The following RFFL variants were observed in gnomAD, a reference collection of about 807,000 sequenced individuals.
RFFL encodes ring finger and FYVE like domain containing E3 ubiquitin protein ligase.
Under a neutral mutation model 40.4 loss-of-function variants are expected in RFFL, and 16 were observed. The ratio of observed to expected loss-of-function variants is 0.40; its 90% CI spans 0.27 to 0.60. The LOEUF is 0.60. RFFL is among the 20% of genes least tolerant of loss of function. The probability of loss-of-function intolerance (pLI) is 0.47; values close to 1 mark genes in which losing one functional copy is unlikely to be tolerated. For synonymous variants in RFFL, 154 were observed against 167.9 expected (o/e 0.92, Z 0.64); for missense variants, 367 against 451.7 (o/e 0.81, Z 1.70).
rs545468347 is a variant in RFFL, at chr17:35,057,951, T to C, written c.-9+5625A>G. Among the ~76,000 whole-genome samples the C allele has an allele frequency of 4.1e-4, 62 of 152,042 alleles. 1 individual carries two copies. The South Asian group carries it at 0.012, about 30-fold the overall frequency. ...CGAAAGCAAAGCAGATGTATTTTTG[T>C]CTATTATACATCAAACAATCATATA... On this transcript the variant is annotated intron_variant, in intron 1 of 6. Coordinates refer to ENST00000394597, the MANE Select transcript of RFFL (RefSeq NM_001017368.2).
chr17:35,087,204 A>C (rs2091435186), intron 1 of RFFL, among the ~76,000 whole-genome samples: 1 of 152,130 alleles, frequency 6.6e-6, no homozygotes, highest in African/African-American at 2.4e-5. Flanking sequence ...TACAAAAACT[A>C]GCTGGGTGTG....
intron 1 of RFFL, chr17:35,077,093 A>AAT (rs957267250): frequency 6.5e-6 from 1 of 152,686 alleles, no homozygotes; most frequent in African/African-American, 2.4e-5. Flanking sequence ...ATATATATTA[A>AAT]ATATATATAA....
At chr17:35,058,065 T>C (rs2091270575) in intron 1 of RFFL, among the ~76,000 whole-genome samples, 1 of 152,106 alleles carries the variant, frequency 6.6e-6, no homozygotes. Flanking sequence ...GAAACACTGT[T>C]CTGATGATGG....
At chr17:35,087,291 C>A (rs1229702404) in intron 1 of RFFL, among the ~76,000 whole-genome samples, 1 of 151,474 alleles carries the variant, frequency 6.6e-6, no homozygotes, top group Admixed American at 6.6e-5. Context: ...GTCAAGGCTG[C>A]AGTGAGCCAT....
upstream of RFFL, among the ~76,000 whole-genome samples, chr17:35,064,129 C>T (rs552548449): frequency 7.2e-5 from 11 of 152,306 alleles, no homozygotes; most frequent in South Asian, 2.3e-3. Flanking sequence ...GGTCAGTGGA[C>T]TCAGGGAACT....
At position 35,018,872 on chromosome 17, in the gene RFFL, T is replaced by G. The variant is rs370113757; in HGVS notation, c.592-1266A>C. 7.9e-5 allele frequency: 12 copies of G among 152,372 alleles called. 1 individual carries two copies. The East Asian group carries it at 1.3e-3, about 17-fold the overall frequency. The allele number at this position is 152,372 out of a possible 1,614,324, so 9.4% of individuals were successfully genotyped here. A position where few individuals can be genotyped will look rare whatever the true frequency, so the allele number is the denominator to read the frequency against. On this transcript the variant is annotated intron_variant, in intron 3 of 6. Transcript: ENST00000394597. ...CCCTGGAATCCTTCAGAGCCTAACC[T>G]GTTCCTAAGTAGCTATCTTTCAGAT...
intron 1 of RFFL, among the ~76,000 whole-genome samples, chr17:35,083,189 A>G (rs2091410855): frequency 6.6e-6 from 1 of 152,256 alleles, no homozygotes; most frequent in Non-Finnish European, 1.5e-5. Flanking sequence ...ACTAGATTCA[A>G]CTACCTATTC....
At chr17:35,075,999 T>A (rs1335110395) in intron 1 of RFFL, among the ~76,000 whole-genome samples, 1 of 142,828 alleles carries the variant, frequency 7.0e-6, no homozygotes, top group African/African-American at 2.6e-5. Flanking sequence ...TTTTTTTTTT[T>A]TTTTTTTTTT....
At chr17:35,013,607 G>A (rs2090954374) in intron 6 of RFFL, among the ~76,000 whole-genome samples, 1 of 152,216 alleles carries the variant, frequency 6.6e-6, no homozygotes, top group African/African-American at 2.4e-5. Flanking sequence ...TAGGAGGTAG[G>A]CTGGGTGTGA....
intron 1 of RFFL, among the ~76,000 whole-genome samples, chr17:35,087,829 A>G (rs138786495): frequency 1.5e-3 from 227 of 152,352 alleles, no homozygotes; most frequent in Non-Finnish European, 2.3e-3. Context: ...GCCATCATCT[A>G]CTTCCTTGAA....
In RFFL at chr17:35,012,146, C is replaced by G; in HGVS notation, c.914G>C (p.Gly305Ala). The G allele has an allele frequency of 3.1e-6, 5 of 1,613,450 alleles. No homozygotes were observed. The highest frequency in any genetic ancestry group is 4.2e-6 in the Non-Finnish European group (5 of 1,179,606). ...LVSGAEDQNG[G>A]AVPSGLEENL... The stretch of plus-strand genomic sequence containing the variant: ...CTCCTCCAAGCCTGATGGTACTGCT[C>G]CCCCTGTACAAACACACAGGGCAGA... The change falls in exon 7 of 7, where the codon GGA (glycine) becomes GCA (alanine). Residue 305 changes from glycine (G) to alanine (A), a missense_variant. Transcript: ENST00000394597.
chr17:35,070,645 G>C (rs1158037138), intron 1 of RFFL, among the ~76,000 whole-genome samples: 1 of 152,086 alleles, frequency 6.6e-6, no homozygotes, highest in Non-Finnish European at 1.5e-5. Flanking sequence ...ATTTGTCTAT[G>C]GGCAGTACTG....
chr17:35,053,593 G>A (rs2091243305), intron 1 of RFFL, among the ~76,000 whole-genome samples: 1 of 152,222 alleles, frequency 6.6e-6, no homozygotes, highest in South Asian at 2.1e-4. Context: ...TCAGCTTGAA[G>A]AGAGCTTGGT....
chr17:35,062,284 T>C (rs1375861348), intron 1 of RFFL, among the ~76,000 whole-genome samples: 1 of 151,800 alleles, frequency 6.6e-6, no homozygotes, highest in Non-Finnish European at 1.5e-5. Flanking sequence ...GTACCTGTAG[T>C]CCCAGCAACT....
At chr17:35,044,175 A>G (rs983994027) in intron 1 of RFFL, among the ~76,000 whole-genome samples, 1 of 152,210 alleles carries the variant, frequency 6.6e-6, no homozygotes, top group Non-Finnish European at 1.5e-5. Flanking sequence ...TGTAGCCTTG[A>G]GCGATCGTCC....
intron 1 of RFFL, among the ~76,000 whole-genome samples, chr17:35,028,865 G>GCCTC (rs2091062250): frequency 6.6e-6 from 1 of 151,854 alleles, no homozygotes; most frequent in African/African-American, 2.4e-5. Context: ...TGCCTCCACT[G>GCCTC]CACCTGTGAT....
intron 1 of RFFL, among the ~76,000 whole-genome samples, chr17:35,079,518 G>T (rs1166178073): frequency 1.3e-5 from 2 of 152,176 alleles, no homozygotes; most frequent in Admixed American, 1.3e-4. Flanking sequence ...ATGTGCTGTG[G>T]TGAGGATTTT....
chr17:35,022,431 T>G (rs2091014716), intron 2 of RFFL, among the ~76,000 whole-genome samples: 1 of 152,206 alleles, frequency 6.6e-6, no homozygotes, highest in African/African-American at 2.4e-5. Flanking sequence ...TTGAGGTGCT[T>G]CTATATGCTA....
intron 1 of RFFL, among the ~76,000 whole-genome samples, chr17:35,059,461 CAAA>C (rs796789812): frequency 6.6e-6 from 1 of 150,706 alleles, no homozygotes; most frequent in Non-Finnish European, 1.5e-5. Context: ...TCATATGGGA[CAAA>C]AAAAAATATG....
Sources: gnomAD v4.1 joint callset for allele counts (sites outside exome capture counted in the v4.1 genomes callset) on GRCh38, gnomAD v4.1.1 for gene constraint, MANE v1.5 for transcripts, NCBI Gene and HGNC (gene_info 2026-07-23, HGNC 2026-07-21) for gene names.